The following FRMD4A variants were observed in gnomAD, a reference collection of about 807,000 sequenced individuals.
FRMD4A encodes the protein FERM domain-containing protein 4A.
A neutral mutation model predicts 129.1 loss-of-function variants in FRMD4A; 29 were observed. The observed-to-expected ratio is 0.22, with a 90% CI of 0.17 to 0.31. The LOEUF (loss-of-function observed/expected upper bound fraction) is 0.31, where lower values mean the gene tolerates loss of function less well. Ranked by LOEUF, FRMD4A falls within the 10% of genes least tolerant of loss-of-function variation. FRMD4A has a pLI of 1.00. For synonymous variants in FRMD4A, 634 were observed against 571.6 expected, an observed-to-expected ratio of 1.11 and a Z score of -1.56; for missense variants, 1,272 against 1,375.8, an observed-to-expected ratio of 0.92 and a Z score of 1.19.
At chr10:13,716,920 C>G (rs1484762926) in intron 12 of FRMD4A, among the ~76,000 whole-genome samples, 1 of 152,114 alleles carries the variant, frequency 6.6e-6, no homozygotes, top group Non-Finnish European at 1.5e-5. Context: ...TAAATACTTT[C>G]AAGAGAAGCT....
chr10:13,896,922 C>T (rs1046056549), intron 2 of FRMD4A, among the ~76,000 whole-genome samples: 3 of 152,090 alleles, frequency 2.0e-5, no homozygotes. Flanking sequence ...AAGGTTTAAT[C>T]CGTTTATGCG....
chr10:13,690,937 G>C (rs556884669), intron 15 of FRMD4A, among the ~76,000 whole-genome samples: 35 of 152,274 alleles, frequency 2.3e-4, no homozygotes, highest in Middle Eastern at 3.4e-3. Flanking sequence ...CAGCCTGTGG[G>C]GAGTCATAGA....
chr10:13,714,059 T>TATATATATATATATATATATATATAAAA (rs1207471495), intron 12 of FRMD4A, among the ~76,000 whole-genome samples: 1 of 101,324 alleles, frequency 9.9e-6, no homozygotes, highest in Non-Finnish European at 2.0e-5. Flanking sequence ...TATATATATA[T>TATATATATATATATATATATATATAAAA]AAAATATACT....
chr10:13,806,343 CA>C (rs202207725), intron 4 of FRMD4A, among the ~76,000 whole-genome samples: 330 of 150,522 alleles, frequency 2.2e-3, no homozygotes, highest in African/African-American at 7.5e-3. Context: ...AGAAATATTT[CA>C]AAAAAAAATG....
chr10:13,880,506 A>G (rs141026129), intron 2 of FRMD4A, among the ~76,000 whole-genome samples: 2 of 152,288 alleles, frequency 1.3e-5, no homozygotes, highest in African/African-American at 4.8e-5. Flanking sequence ...CCATTTCTGC[A>G]TGGCCTCCGT....
intron 3 of FRMD4A, among the ~76,000 whole-genome samples, chr10:13,846,337 TA>T (rs2094045273): frequency 6.6e-6 from 1 of 152,232 alleles, no homozygotes; most frequent in Non-Finnish European, 1.5e-5. Flanking sequence ...CTTATTAGCA[TA>T]AAGGATGCTT....
At chr10:14,137,501 T>G (rs56248112) in intron 2 of FRMD4A, among the ~76,000 whole-genome samples, 1 of 152,068 alleles carries the variant, frequency 6.6e-6, no homozygotes, top group East Asian at 1.9e-4. Context: ...CTGACTTGAA[T>G]GCTATCAGCA....
At chr10:13,901,641 T>G (rs1395250023) in intron 2 of FRMD4A, among the ~76,000 whole-genome samples, 1 of 151,892 alleles carries the variant, frequency 6.6e-6, no homozygotes, top group African/African-American at 2.4e-5. Context: ...GAAAAGATTT[T>G]CAGCAAATAT....
At chr10:13,669,630 T>C (rs1004360280) in intron 17 of FRMD4A, among the ~76,000 whole-genome samples, 2 of 152,248 alleles carry the variant, frequency 1.3e-5, no homozygotes, top group Non-Finnish European at 2.9e-5. Flanking sequence ...TTCAAGAGCA[T>C]GTTAATTAGT....
intron 2 of FRMD4A, among the ~76,000 whole-genome samples, chr10:14,188,332 C>G (rs1842211564): frequency 6.6e-6 from 1 of 152,188 alleles, no homozygotes; most frequent in South Asian, 2.1e-4. Context: ...ATGCTTCCCA[C>G]TGAAATCCTA....
At chr10:14,327,922 A>G (rs981030984) in intron 2 of FRMD4A, among the ~76,000 whole-genome samples, 7 of 152,320 alleles carry the variant, frequency 4.6e-5, no homozygotes, top group Non-Finnish European at 7.3e-5. Flanking sequence ...CTCACAGCCA[A>G]AGCAACTCCG....
At chr10:13,955,992 C>A (rs1220787223) in intron 2 of FRMD4A, among the ~76,000 whole-genome samples, 1 of 152,214 alleles carries the variant, frequency 6.6e-6, no homozygotes, top group Non-Finnish European at 1.5e-5. Context: ...CTTTCAAATT[C>A]ATCTCTACAG....
At chr10:14,104,313 G>C (rs1210559961) in intron 2 of FRMD4A, among the ~76,000 whole-genome samples, 1 of 152,148 alleles carries the variant, frequency 6.6e-6, no homozygotes. Flanking sequence ...CCGCCATCAA[G>C]GTCTACACTG....
At chr10:13,697,790 TC>T (rs2086371280) in intron 14 of FRMD4A, among the ~76,000 whole-genome samples, 2 of 152,088 alleles carry the variant, frequency 1.3e-5, no homozygotes, top group Non-Finnish European at 1.5e-5. Flanking sequence ...ATTCAAGAAG[TC>T]CCCACTCTGA....
intron 4 of FRMD4A, among the ~76,000 whole-genome samples, chr10:13,802,664 G>A (rs758600235): frequency 5.3e-5 from 8 of 152,054 alleles, no homozygotes; most frequent in Non-Finnish European, 1.0e-4. Context: ...GGTAGAGACA[G>A]TGTCTCGCTT....
intron 6 of FRMD4A, among the ~76,000 whole-genome samples, chr10:13,782,655 G>A (rs2092766258): frequency 6.6e-6 from 1 of 152,090 alleles, no homozygotes; most frequent in Admixed American, 6.5e-5. Context: ...CGTTGGCCAG[G>A]ATAATCTCAA....
At chr10:14,168,818 C>A (rs896872780) in intron 2 of FRMD4A, among the ~76,000 whole-genome samples, 7 of 151,986 alleles carry the variant, frequency 4.6e-5, no homozygotes, top group Admixed American at 3.9e-4. Flanking sequence ...AAAGGTACAC[C>A]CTAGTAAGTA....
intron 24 of FRMD4A, chr10:13,651,421 A>C (rs1228631497): frequency 6.4e-6 from 1 of 155,670 alleles, no homozygotes; most frequent in Non-Finnish European, 1.4e-5. Context: ...ATGTAGATAG[A>C]ACATGGTGAG....
At chr10:13,874,194 C>T (rs996918150) in intron 2 of FRMD4A, among the ~76,000 whole-genome samples, 8 of 136,852 alleles carry the variant, frequency 5.8e-5, no homozygotes, top group African/African-American at 2.0e-4. Flanking sequence ...TGTGGTGAGC[C>T]GAGATTGCAC....
Sources: allele counts gnomAD v4.1 joint callset (sites outside exome capture counted in the v4.1 genomes callset), GRCh38; gene constraint gnomAD v4.1.1; transcripts MANE v1.5; gene names NCBI Gene and HGNC (gene_info 2026-07-23, HGNC 2026-07-21).